Variants in NRG3 observed in about 807,000 individuals in gnomAD.
NRG3 encodes pro-neuregulin-3, membrane-bound isoform.
A neutral mutation model predicts 66.9 loss-of-function variants in NRG3; 31 were observed. That is an observed-to-expected ratio of 0.46 (90% CI 0.35 to 0.63). The LOEUF (loss-of-function observed/expected upper bound fraction) is 0.63. NRG3 is among the 20% of genes least tolerant of loss of function. The pLI is 0.00. For synonymous variants in NRG3, 393 were observed against 359.4 expected (o/e 1.09, Z -1.06); for missense variants, 910 against 878.9 (o/e 1.04, Z -0.45).
chr10:82,657,890 CT>C (rs2052002162), intron 2 of NRG3, among the ~76,000 whole-genome samples: 1 of 126,228 alleles, frequency 7.9e-6, no homozygotes, highest in African/African-American at 3.1e-5. Context: ...TGTTAAGTAG[CT>C]TACACATACA....
intron 4 of NRG3, among the ~76,000 whole-genome samples, chr10:82,891,591 G>A (rs575378400): frequency 5.6e-4 from 85 of 151,730 alleles, no homozygotes; most frequent in South Asian, 1.5e-3. Flanking sequence ...GCTCATTATC[G>A]TTACAGAGAA....
intron 1 of NRG3, among the ~76,000 whole-genome samples, chr10:82,278,253 GACAC>G (rs2078952994): frequency 6.6e-6 from 1 of 151,936 alleles, no homozygotes; most frequent in South Asian, 2.1e-4. Context: ...TTGACTGCAT[GACAC>G]TATAAAATCA....
intron 3 of NRG3, among the ~76,000 whole-genome samples, chr10:82,755,527 C>A (rs1279583444): frequency 6.6e-6 from 1 of 152,052 alleles, no homozygotes; most frequent in East Asian, 1.9e-4. Flanking sequence ...GAAGCTTAGG[C>A]CATAGCTTCA....
At chr10:82,193,221 C>A (rs1330465324) in intron 1 of NRG3, among the ~76,000 whole-genome samples, 1 of 152,168 alleles carries the variant, frequency 6.6e-6, no homozygotes, top group Non-Finnish European at 1.5e-5. Flanking sequence ...TGGCTCACTG[C>A]AACCTCTGTC....
intron 2 of NRG3, among the ~76,000 whole-genome samples, chr10:82,606,812 A>C (rs2047994713): frequency 1.3e-5 from 2 of 152,142 alleles, no homozygotes; most frequent in Admixed American, 1.3e-4. Context: ...TCATATCCTG[A>C]ATTTCAGCAG....
At chr10:82,618,242 A>G (rs192890341) in intron 2 of NRG3, among the ~76,000 whole-genome samples, 26 of 152,280 alleles carry the variant, frequency 1.7e-4, no homozygotes, top group Admixed American at 8.5e-4. Flanking sequence ...GGTGCCAGAC[A>G]GTGCAAGCGA....
chr10:82,527,746 T>G (rs1846856051), intron 2 of NRG3, among the ~76,000 whole-genome samples: 1 of 152,140 alleles, frequency 6.6e-6, no homozygotes, highest in Non-Finnish European at 1.5e-5. Flanking sequence ...TCAAGGAAAT[T>G]TAAAATCTCA....
chr10:82,320,886 C>T (rs2135130969), intron 1 of NRG3, among the ~76,000 whole-genome samples: 1 of 152,290 alleles, frequency 6.6e-6, no homozygotes, highest in African/African-American at 2.4e-5. Flanking sequence ...CATATAAACC[C>T]CAAGCTCCAC....
intron 1 of NRG3, among the ~76,000 whole-genome samples, chr10:82,033,483 C>T (rs1354288384): frequency 6.6e-6 from 1 of 152,120 alleles, no homozygotes; most frequent in Admixed American, 6.6e-5. Context: ...TCACTGGTCT[C>T]TATACATGGC....
chr10:82,412,339 G>A (rs998828313), intron 2 of NRG3, among the ~76,000 whole-genome samples: 5 of 152,088 alleles, frequency 3.3e-5, no homozygotes, highest in East Asian at 3.9e-4. Flanking sequence ...GACTAGAAAT[G>A]TTTGTTTTCC....
intron 3 of NRG3, among the ~76,000 whole-genome samples, chr10:82,853,657 T>C (rs1029507333): frequency 3.3e-5 from 5 of 152,244 alleles, no homozygotes; most frequent in Non-Finnish European, 5.9e-5. Flanking sequence ...TTTTGTATCC[T>C]GAAACTTTGC....
chr10:82,625,847 G>A (rs1428473630), intron 2 of NRG3, among the ~76,000 whole-genome samples: 1 of 152,192 alleles, frequency 6.6e-6, no homozygotes, highest in African/African-American at 2.4e-5. Flanking sequence ...TATGATGCAA[G>A]AAGGAACAGG....
At chr10:82,916,773 G>T (rs973878133) in intron 4 of NRG3, among the ~76,000 whole-genome samples, 1 of 151,920 alleles carries the variant, frequency 6.6e-6, no homozygotes, top group Non-Finnish European at 1.5e-5. Flanking sequence ...GTGCCACCAC[G>T]CCCAGCTAAT....
At chr10:82,517,671 A>ATGTG (rs140575448) in intron 2 of NRG3, among the ~76,000 whole-genome samples, 3 of 132,934 alleles carry the variant, frequency 2.3e-5, no homozygotes, top group Non-Finnish European at 3.3e-5. Flanking sequence ...GTGTGTGTGC[A>ATGTG]TGTGTGTGTG....
chr10:82,138,727 A>G (rs2069547430), intron 1 of NRG3, among the ~76,000 whole-genome samples: 1 of 152,158 alleles, frequency 6.6e-6, no homozygotes, highest in Admixed American at 6.6e-5. Context: ...CTGTGGCCCA[A>G]GAGCCCCTGG....
At chr10:82,704,509 A>G (rs2056141916) in intron 2 of NRG3, among the ~76,000 whole-genome samples, 1 of 152,192 alleles carries the variant, frequency 6.6e-6, no homozygotes, top group Admixed American at 6.6e-5. Context: ...CAGTTTACCA[A>G]TTTAATAACA....
At chr10:82,093,066 C>G (rs1320444974) in intron 1 of NRG3, among the ~76,000 whole-genome samples, 2 of 152,212 alleles carry the variant, frequency 1.3e-5, no homozygotes, top group Non-Finnish European at 2.9e-5. Context: ...CATTACTCTT[C>G]TTGTCAAGGT....
intron 2 of NRG3, among the ~76,000 whole-genome samples, chr10:82,674,832 A>T (rs375518004): frequency 6.6e-6 from 1 of 151,660 alleles, no homozygotes; most frequent in Non-Finnish European, 1.5e-5. Flanking sequence ...ATTAATTCAC[A>T]TAATTGCAGA....
chr10:82,047,939 G>C (rs2063388516), intron 1 of NRG3, among the ~76,000 whole-genome samples: 1 of 151,834 alleles, frequency 6.6e-6, no homozygotes, highest in South Asian at 2.1e-4. Context: ...AAAAGGCAGG[G>C]GTTGCAATCC....
Sources: allele counts gnomAD v4.1 joint callset (sites outside exome capture counted in the v4.1 genomes callset), GRCh38; gene constraint gnomAD v4.1.1; transcripts MANE v1.5; gene names NCBI Gene and HGNC (gene_info 2026-07-23, HGNC 2026-07-21).